The following CLSTN2 variants were observed in gnomAD, a reference collection of about 807,000 sequenced individuals.
CLSTN2 encodes calsyntenin-2.
In CLSTN2, 48 loss-of-function variants were observed where a neutral mutation model predicts 101.2. The ratio of observed to expected loss-of-function variants is 0.47; its 90% confidence interval spans 0.38 to 0.60. The LOEUF (loss-of-function observed/expected upper bound fraction) is 0.60, where lower values mean the gene tolerates loss of function less well. Ranked by LOEUF, CLSTN2 falls within the 20% of genes least tolerant of loss-of-function variation. The probability of loss-of-function intolerance (pLI) is 0.00; values close to 1 mark genes in which losing one functional copy is unlikely to be tolerated. For synonymous variants in CLSTN2, 481 were observed against 463.6 expected, an observed-to-expected ratio of 1.04 and a Z score of -0.48; for missense variants, 1,160 against 1,238.2, an observed-to-expected ratio of 0.94 and a Z score of 0.95.
chr3:140,385,197 A>C (rs1268363434), intron 2 of CLSTN2, among the ~76,000 whole-genome samples: 4 of 152,136 alleles, frequency 2.6e-5, no homozygotes, highest in Non-Finnish European at 5.9e-5. Flanking sequence ...TGTGTTACTA[A>C]GGCAGAAGTA....
intron 2 of CLSTN2, among the ~76,000 whole-genome samples, chr3:140,269,525 T>C (rs2086722694): frequency 6.6e-6 from 1 of 152,188 alleles, no homozygotes; most frequent in Non-Finnish European, 1.5e-5. Context: ...AACAGAAATC[T>C]AATGCTCAAC....
Position 140,276,094 on chromosome 3 carries a change from G to T in CLSTN2, c.232+100021G>T, listed in dbSNP as rs1289957526. Among the ~76,000 whole-genome samples the T allele has an allele frequency of 2.6e-5, 4 of 152,100 alleles. No individual in the cohort carries two copies. In the East Asian group the frequency reaches 5.8e-4, roughly 22 times the overall value. ...ATATAAGCTGCAGAGACCTTGAAAG[G>T]GTGGCCTTTCAATTTCCACCCAGAG... On this transcript the variant is annotated intron_variant, in intron 2 of 16. Coordinates refer to ENST00000458420, the MANE Select transcript of CLSTN2 (RefSeq NM_022131.3).
At chr3:139,980,327 C>T (rs1449783291) in intron 1 of CLSTN2, among the ~76,000 whole-genome samples, 5 of 152,044 alleles carry the variant, frequency 3.3e-5, no homozygotes, top group Non-Finnish European at 4.4e-5. Context: ...TGCCTCAGGG[C>T]CTTTGCACTT....
intron 9 of CLSTN2, among the ~76,000 whole-genome samples, chr3:140,543,849 G>A (rs1935533934): frequency 6.6e-6 from 1 of 152,172 alleles, no homozygotes; most frequent in Non-Finnish European, 1.5e-5. Context: ...ATTCTTCCTG[G>A]ATCAATTCCT....
chr3:140,425,055 C>T (rs2088550576), intron 5 of CLSTN2, among the ~76,000 whole-genome samples: 1 of 152,204 alleles, frequency 6.6e-6, no homozygotes, highest in East Asian at 1.9e-4. Flanking sequence ...CTGGAGTAAC[C>T]AAGCAAATGC....
intron 2 of CLSTN2, among the ~76,000 whole-genome samples, chr3:140,353,811 A>C (rs1218083949): frequency 6.6e-6 from 1 of 152,202 alleles, no homozygotes; most frequent in Non-Finnish European, 1.5e-5. Flanking sequence ...GTAATACTCA[A>C]AGATTAATGA....
chr3:139,958,866 A>G (rs1280582793), intron 1 of CLSTN2, among the ~76,000 whole-genome samples: 2 of 148,200 alleles, frequency 1.3e-5, no homozygotes, highest in Non-Finnish European at 3.0e-5. Flanking sequence ...ATGGCATCCT[A>G]GATGTGATGA....
At chr3:140,026,596 G>A (rs4271881) in intron 1 of CLSTN2, among the ~76,000 whole-genome samples, 26,560 of 152,186 alleles carry the variant, frequency 0.17, 2,520 homozygotes, top group Admixed American at 0.29. Context: ...AGGAGGGACT[G>A]GAGTCTACTC....
intron 8 of CLSTN2, among the ~76,000 whole-genome samples, chr3:140,475,853 G>C (rs372567960): frequency 6.6e-6 from 1 of 152,112 alleles, no homozygotes. Context: ...TAAAATCAGC[G>C]TTAAAAAGAA....
chr3:139,969,129 A>G (rs972456799), intron 1 of CLSTN2, among the ~76,000 whole-genome samples: 1 of 152,136 alleles, frequency 6.6e-6, no homozygotes, highest in Non-Finnish European at 1.5e-5. Context: ...ATGGATAGGA[A>G]GGGTCTTATT....
At chr3:140,475,013 T>G (rs572199232) in intron 8 of CLSTN2, among the ~76,000 whole-genome samples, 1 of 129,172 alleles carries the variant, frequency 7.7e-6, no homozygotes, top group African/African-American at 2.5e-5. Context: ...TCCTCCTTCC[T>G]TAACTCATTC....
chr3:140,196,671 G>A (rs2010647739), intron 2 of CLSTN2, among the ~76,000 whole-genome samples: 1 of 152,168 alleles, frequency 6.6e-6, no homozygotes, highest in Non-Finnish European at 1.5e-5. Flanking sequence ...GGTAGAAACA[G>A]AAAGAGGCAG....
At chr3:140,214,963 ATAAC>A (rs1460288447) in intron 2 of CLSTN2, among the ~76,000 whole-genome samples, 1 of 152,240 alleles carries the variant, frequency 6.6e-6, no homozygotes. Flanking sequence ...AGCAACCAAA[ATAAC>A]TAACACTTAT....
At chr3:140,118,277 C>T (rs965823009) in intron 1 of CLSTN2, among the ~76,000 whole-genome samples, 4 of 152,020 alleles carry the variant, frequency 2.6e-5, no homozygotes, top group African/African-American at 9.7e-5. Context: ...GCCACCCAGT[C>T]TGTGGTACTT....
intron 1 of CLSTN2, among the ~76,000 whole-genome samples, chr3:140,147,594 AT>A (rs1239742075): frequency 1.3e-5 from 2 of 152,214 alleles, no homozygotes; most frequent in African/African-American, 4.8e-5. Context: ...AATGATTTTC[AT>A]TGAACAATGA....
At chr3:140,019,803 G>T (rs10433430) in intron 1 of CLSTN2, among the ~76,000 whole-genome samples, 76,569 of 151,826 alleles carry the variant, frequency 0.5, 20,797 homozygotes, top group South Asian at 0.72. Flanking sequence ...AGAGTGGAAA[G>T]ATACTTAGGC....
intron 8 of CLSTN2, among the ~76,000 whole-genome samples, chr3:140,479,951 CTT>C (rs59974749): frequency 6.7e-6 from 1 of 149,290 alleles, no homozygotes; most frequent in Non-Finnish European, 1.5e-5. Context: ...AAGATAAACT[CTT>C]TTTTTTTTAT....
chr3:140,120,956 T>A (rs554432598), intron 1 of CLSTN2, among the ~76,000 whole-genome samples: 2 of 152,354 alleles, frequency 1.3e-5, no homozygotes, highest in African/African-American at 4.8e-5. Context: ...TATTTTGGAA[T>A]CATCTACTAG....
chr3:140,228,726 G>A (rs1253867923), intron 2 of CLSTN2, among the ~76,000 whole-genome samples: 1 of 152,180 alleles, frequency 6.6e-6, no homozygotes. Flanking sequence ...AGGCAAGGAG[G>A]AGCAAGTCAT....
Sources: allele counts gnomAD v4.1 joint callset (sites outside exome capture counted in the v4.1 genomes callset), GRCh38; gene constraint gnomAD v4.1.1; transcripts MANE v1.5; gene names NCBI Gene and HGNC (gene_info 2026-07-23, HGNC 2026-07-21).